The following DOP1A variants were observed in gnomAD, a reference collection of about 807,000 sequenced individuals.
DOP1A encodes protein DOP1A.
In DOP1A, 90 loss-of-function variants were observed where a neutral mutation model predicts 267.6. The ratio of observed to expected loss-of-function variants is 0.34; its 90% CI spans 0.28 to 0.40. The LOEUF is 0.40. DOP1A is among the 10% of genes least tolerant of loss of function. DOP1A has a pLI of 1.00. For missense variants in DOP1A, 2,437 were observed against 2,900.4 expected, an observed-to-expected ratio of 0.84 and a Z score of 3.67; for synonymous variants, 932 against 999.1, an observed-to-expected ratio of 0.93 and a Z score of 1.27.
chr6:83,068,987 A>G (rs1006814013), intron 1 of DOP1A, among the ~76,000 whole-genome samples: 4 of 152,232 alleles, frequency 2.6e-5, no homozygotes, highest in African/African-American at 9.6e-5. Context: ...TACACAAACC[A>G]GAAAATGTGA....
chr6:83,104,781 A>G (rs938534344), intron 4 of DOP1A, among the ~76,000 whole-genome samples: 1 of 152,132 alleles, frequency 6.6e-6, no homozygotes, highest in Non-Finnish European at 1.5e-5. Flanking sequence ...TGTAGCATGT[A>G]GGATCTATAG....
chr6:83,159,738 C>G, intron 36 of DOP1A, 58 bp from the exon 37 acceptor site: 2 of 1,592,826 alleles, frequency 1.3e-6, no homozygotes, highest in Non-Finnish European at 1.7e-6. Context: ...TAGATCTTTC[C>G]AGGAATTCCT....
chr6:83,088,223 G>T (rs983178920), intron 1 of DOP1A, among the ~76,000 whole-genome samples: 10 of 152,058 alleles, frequency 6.6e-5, no homozygotes, highest in African/African-American at 2.4e-4. Flanking sequence ...ACTAGAAGGT[G>T]ACAGGACATG....
At chr6:83,082,444 T>C (rs558928733) in intron 1 of DOP1A, among the ~76,000 whole-genome samples, 1 of 152,292 alleles carries the variant, frequency 6.6e-6, no homozygotes, top group East Asian at 1.9e-4. Flanking sequence ...TCACCCAATA[T>C]GTAAAACCTA....
intron 1 of DOP1A, among the ~76,000 whole-genome samples, chr6:83,071,334 T>A (rs1785550607): frequency 6.6e-6 from 1 of 152,030 alleles, no homozygotes; most frequent in Non-Finnish European, 1.5e-5. Context: ...AGCCTCCTGA[T>A]TAGCTGGTAT....
intron 4 of DOP1A, among the ~76,000 whole-genome samples, chr6:83,105,991 C>T (rs188191557): frequency 3.3e-5 from 5 of 152,184 alleles, no homozygotes; most frequent in South Asian, 2.1e-4. Context: ...CATACACACA[C>T]GTTATGGAGT....
At chr6:83,115,995 TTTAA>T (rs1480671589) in intron 7 of DOP1A, among the ~76,000 whole-genome samples, 6 of 152,208 alleles carry the variant, frequency 3.9e-5, no homozygotes, top group African/African-American at 1.4e-4. Flanking sequence ...CATTACACTC[TTTAA>T]AAGTACAGAA....
intron 4 of DOP1A, among the ~76,000 whole-genome samples, chr6:83,101,733 A>C (rs1370956732): frequency 6.6e-6 from 1 of 152,234 alleles, no homozygotes. Context: ...CATACCCATG[A>C]TTTATTTTTT....
At chr6:83,150,513 T>C (rs1781441349) in intron 27 of DOP1A, among the ~76,000 whole-genome samples, 1 of 152,240 alleles carries the variant, frequency 6.6e-6, no homozygotes, top group African/African-American at 2.4e-5. Context: ...CTAGAAACTT[T>C]ATTTCCTTTT....
At chr6:83,133,461 T>A (rs1778381551) in intron 18 of DOP1A, among the ~76,000 whole-genome samples, 1 of 152,090 alleles carries the variant, frequency 6.6e-6, no homozygotes. Context: ...TCACAAGCAT[T>A]TAGAAAGTTG....
In DOP1A at chr6:83,166,047, G is replaced by A. The variant is rs113203269; in HGVS notation, c.7093-1815G>A. 2,315 of 282,004 alleles carry A rather than the reference G, an allele frequency of 8.2e-3. 52 individuals are homozygous for A. The highest frequency in any genetic ancestry group is 0.046 in the African/African-American group (2,135 of 46,026). 17.5% of individuals were successfully genotyped at this position (282,004 alleles called of 1,614,324 possible). A position where few individuals can be genotyped will look rare whatever the true frequency, so the allele number is the denominator to read the frequency against. On this transcript the variant is annotated intron_variant, in intron 38 of 38. Coordinates refer to ENST00000349129, the MANE Select transcript of DOP1A (RefSeq NM_015018.4). ...ACTGAGCTGGTCATCGCCAGTTGTC[G>A]TATAAAATCCACCTTTTGGCACACA...
At chr6:83,169,589 A>AG (rs1217349346), downstream of DOP1A, 1 of 472,778 alleles carries the variant, frequency 2.1e-6, no homozygotes, top group Non-Finnish European at 3.9e-6. Context: ...ACAACTGAAA[A>AG]AATTCAATAA....
rs74920300 is a variant in DOP1A, at chr6:83,090,453, T to C, written c.-146-6278T>C. Among the ~76,000 whole-genome samples the C allele has an allele frequency of 3.8e-3, 581 of 152,324 alleles. 1 individual carries two copies. The highest frequency in any genetic ancestry group is 6.9e-3 in the Non-Finnish European group (471 of 68,022). ...TCTGTTATTAAGTATGTCTATTTAT[T>C]TTGTGTTTATTCTGGAGAAGAGGCA... On this transcript the variant is annotated intron_variant, in intron 1 of 38. Coordinates refer to ENST00000349129, the MANE Select transcript of DOP1A (RefSeq NM_015018.4).
intron 1 of DOP1A, among the ~76,000 whole-genome samples, chr6:83,089,140 G>C (rs907168781): frequency 6.6e-6 from 1 of 152,160 alleles, no homozygotes; most frequent in African/African-American, 2.4e-5. Flanking sequence ...CCTGCCTTTT[G>C]TGGCAAAGGA....
chr6:83,167,296 A>G (rs1785984603), intron 38 of DOP1A: 2 of 984,940 alleles, frequency 2.0e-6, no homozygotes, highest in Non-Finnish European at 2.4e-6. Context: ...CACAACCCAG[A>G]AGGAGACAGC....
intron 37 of DOP1A, among the ~76,000 whole-genome samples, chr6:83,161,962 TAAAAAG>T (rs778002356): frequency 2.0e-5 from 3 of 152,294 alleles, no homozygotes; most frequent in Non-Finnish European, 4.4e-5. Context: ...ATGTTGCTGT[TAAAAAG>T]AATGAAGTTT....
intron 1 of DOP1A, among the ~76,000 whole-genome samples, chr6:83,078,818 T>A (rs1456884911): frequency 6.6e-6 from 1 of 152,232 alleles, no homozygotes; most frequent in Non-Finnish European, 1.5e-5. Flanking sequence ...TTCTATTACG[T>A]GCTTCAGAAT....
At chr6:83,148,218 A>C (rs1562364885) in intron 26 of DOP1A, among the ~76,000 whole-genome samples, 1 of 151,928 alleles carries the variant, frequency 6.6e-6, no homozygotes. Flanking sequence ...TCAAGACCAT[A>C]CTGGCCAACA....
intron 3 of DOP1A, among the ~76,000 whole-genome samples, chr6:83,098,786 A>T (rs1163951693): frequency 6.6e-6 from 1 of 152,190 alleles, no homozygotes; most frequent in African/African-American, 2.4e-5. Context: ...TTGGATAGGC[A>T]TGATTGAAGC....
Sources: allele counts gnomAD v4.1 joint callset (sites outside exome capture counted in the v4.1 genomes callset), GRCh38; gene constraint gnomAD v4.1.1; transcripts MANE v1.5; gene names NCBI Gene and HGNC (gene_info 2026-07-23, HGNC 2026-07-21).